Variants in EXPH5 observed in about 807,000 individuals in gnomAD.
EXPH5 encodes exophilin-5.
In EXPH5, 42 loss-of-function variants were observed where a neutral mutation model predicts 41.1. The ratio of observed to expected loss-of-function variants is 1.02; its 90% CI spans 0.80 to 1.32. The LOEUF (loss-of-function observed/expected upper bound fraction) is 1.32, where lower values mean the gene tolerates loss of function less well. Ranked by LOEUF, EXPH5 falls within the 40% of genes most tolerant of loss-of-function variation. The pLI is 0.00. For missense variants in EXPH5, 2,298 were observed against 2,314.5 expected (o/e 0.99, Z 0.15); for synonymous variants, 798 against 833.5 (o/e 0.96, Z 0.73).
At chr11:108,549,279 T>C (rs2852189) in intron 1 of EXPH5, among the ~76,000 whole-genome samples, 92,318 of 152,164 alleles carry the variant, frequency 0.61, 30,160 homozygotes, top group East Asian at 0.8. Flanking sequence ...CAGCCCTCTG[T>C]TCCAAGTCAA....
At chr11:108,553,020 A>G (rs1458977341) in intron 1 of EXPH5, among the ~76,000 whole-genome samples, 1 of 152,104 alleles carries the variant, frequency 6.6e-6, no homozygotes, top group Non-Finnish European at 1.5e-5. Flanking sequence ...ACATGGTGAA[A>G]GCCTGTCTCT....
At chr11:108,563,752 G>A (rs1402935568) in intron 1 of EXPH5, among the ~76,000 whole-genome samples, 1 of 152,222 alleles carries the variant, frequency 6.6e-6, no homozygotes, top group East Asian at 1.9e-4. Flanking sequence ...CACTGAAGGG[G>A]TGGAGAGGCA....
In EXPH5 at chr11:108,513,681, T is replaced by C. The variant is rs892717660; in HGVS notation, c.1826A>G (p.His609Arg). The change falls in exon 6 of 6, where the codon CAT becomes CGT. Residue 609 changes from histidine (H) to arginine (R), a missense_variant. Coordinates refer to ENST00000265843, the MANE Select transcript of EXPH5 (RefSeq NM_015065.3). ...AAATGAGGAAGCTTCTTTGTTTATA[T>C]GTACTTCTACAGGAGAACTGTCCTG... ...SQQDSSPVEV[H>R]INKEASSFGI... is the part of the protein sequence containing the mutation. The C allele has an allele frequency of 1.2e-6, 2 of 1,612,382 alleles. No homozygotes were observed. The highest frequency in any genetic ancestry group is 1.1e-5 in the South Asian group (1 of 90,694).
chr11:108,533,836 C>T (rs2093860477), intron 3 of EXPH5, among the ~76,000 whole-genome samples: 1 of 151,798 alleles, frequency 6.6e-6, no homozygotes, highest in South Asian at 2.1e-4. Context: ...TGCTCTGTTG[C>T]CCAGGCTGGA....
intron 5 of EXPH5, among the ~76,000 whole-genome samples, chr11:108,516,903 A>C (rs1336969206): frequency 6.6e-6 from 1 of 152,230 alleles, no homozygotes; most frequent in Admixed American, 6.5e-5. Context: ...GGGGCAAAAA[A>C]CAAAACAAAA....
At chr11:108,583,620 G>T (rs944945611) in intron 1 of EXPH5, among the ~76,000 whole-genome samples, 5 of 150,750 alleles carry the variant, frequency 3.3e-5, no homozygotes, top group African/African-American at 1.2e-4. Context: ...CCGGGAGGTG[G>T]AGACCAGTCT....
Position 108,512,509 on chromosome 11 carries a change from T to A in EXPH5, c.2998A>T (p.Arg1000Trp). The part of the protein sequence containing the change: ...ESISVPTSDH[R>W]SLIEANQSNS... The stretch of plus-strand genomic sequence containing the variant: ...CTTTGATTTGCTTCAATGAGGCTCC[T>A]GTGATCACTGGTGGGTACTGATATA... Residue 1000 changes from arginine (R) to tryptophan (W), a missense_variant, in exon 6 of 6, where the codon AGG becomes TGG. Arg to Trp is a moderately radical substitution (Grantham distance 101). Transcript: ENST00000265843. The A allele has an allele frequency of 6.2e-7, 1 of 1,614,072 alleles. No homozygotes were observed. Among genetic ancestry groups the A allele is most frequent in the Non-Finnish European group, 8.5e-7 (1 of 1,179,990 alleles).
chr11:108,511,338 T>C lies in EXPH5; in HGVS notation c.4169A>G (p.Gln1390Arg). 1.3e-6 allele frequency: 2 copies of C among 1,580,448 alleles called. No homozygotes were observed. The highest frequency in any genetic ancestry group is 1.7e-6 in the Non-Finnish European group (2 of 1,167,594). ...ENKKERGKKL[Q>R]SETLHTSLML... Reference sequence around the variant, plus strand: ...CAATGAAGTATGCAGGGTTTCACTTTGCAACTTTTTGCCTCTTTCCTTCTT... The same window carrying C: ...CAATGAAGTATGCAGGGTTTCACTTCGCAACTTTTTGCCTCTTTCCTTCTT... Residue 1390 changes from glutamine to arginine, a missense_variant, in exon 6 of 6, where the codon CAA (glutamine) becomes CGA (arginine). Gln to Arg is a conservative substitution (Grantham distance 43). Coordinates refer to ENST00000265843, the MANE Select transcript of EXPH5 (RefSeq NM_015065.3).
chr11:108,571,789 G>A (rs142522574), intron 1 of EXPH5, among the ~76,000 whole-genome samples: 1 of 151,956 alleles, frequency 6.6e-6, no homozygotes, highest in African/African-American at 2.4e-5. Flanking sequence ...AGGCTGGGGC[G>A]GTGGCTCACG....
chr11:108,571,512 C>T (rs915159156), intron 1 of EXPH5, among the ~76,000 whole-genome samples: 7 of 152,056 alleles, frequency 4.6e-5, no homozygotes, highest in Non-Finnish European at 8.8e-5. Context: ...GAGTGAAGAG[C>T]TTTTTTTACT....
At chr11:108,596,938 C>T (rs1242925161), upstream of EXPH5, among the ~76,000 whole-genome samples, 1 of 152,184 alleles carries the variant, frequency 6.6e-6, no homozygotes, top group Non-Finnish European at 1.5e-5. Flanking sequence ...AGGCAAGCAG[C>T]CATTTTCAAT....
intron 1 of EXPH5, among the ~76,000 whole-genome samples, chr11:108,589,771 G>C (rs1021915610): frequency 6.6e-6 from 1 of 152,174 alleles, no homozygotes; most frequent in African/African-American, 2.4e-5. Context: ...GGGTAAAGTA[G>C]TTTTGAAATA....
chr11:108,514,112 G>C lies in EXPH5; in HGVS notation c.1395C>G (p.Thr465=). ...NTFTRSFFSN[T]FGRSGEQRRF... ...TCCTCTGTTCTCCGCTTCGTCCAAA[G>C]GTATTGCTGAAGAAAGATCTGGTAA... Residue 465 remains threonine (T), a synonymous_variant, in exon 6 of 6, where the codon ACC becomes ACG. Transcript: ENST00000265843. The C allele has an allele frequency of 6.2e-7, 1 of 1,613,720 alleles. No individual in the cohort carries two copies. Among genetic ancestry groups the C allele is most frequent in the Non-Finnish European group, 8.5e-7 (1 of 1,179,828 alleles).
chr11:108,538,200 T>A, intron 3 of EXPH5: 1 of 985,442 alleles, frequency 1.0e-6, no homozygotes. Context: ...CTCCAACACC[T>A]TTTATTTAGT....
At chr11:108,593,130 C>T (rs2094131880) in intron 1 of EXPH5, among the ~76,000 whole-genome samples, 1 of 152,240 alleles carries the variant, frequency 6.6e-6, no homozygotes, top group Non-Finnish European at 1.5e-5. Flanking sequence ...CACAGCACAG[C>T]GTCACTGCGC....
At chr11:108,575,671 G>A (rs535009798) in intron 1 of EXPH5, among the ~76,000 whole-genome samples, 4 of 152,294 alleles carry the variant, frequency 2.6e-5, no homozygotes, top group Admixed American at 1.3e-4. Context: ...CCACAACTGT[G>A]TTAAAAGTAA....
intron 3 of EXPH5, among the ~76,000 whole-genome samples, chr11:108,533,237 T>C (rs1284240230): frequency 2.6e-5 from 4 of 151,918 alleles, no homozygotes; most frequent in Non-Finnish European, 5.9e-5. Context: ...GGAGTCTTGC[T>C]CTGTCATTCA....
At chr11:108,558,326 G>T (rs76339385) in intron 1 of EXPH5, among the ~76,000 whole-genome samples, 14,303 of 152,250 alleles carry the variant, frequency 0.094, 716 homozygotes, top group Admixed American at 0.11. Context: ...CCAAGCTCAA[G>T]CTATCCTCTG....
intron 4 of EXPH5, among the ~76,000 whole-genome samples, chr11:108,522,791 C>T (rs190965055): frequency 7.2e-5 from 11 of 152,266 alleles, no homozygotes; most frequent in African/African-American, 2.6e-4. Flanking sequence ...TTGGAGTTGC[C>T]ATAAAAGGTG....
Sources: allele counts gnomAD v4.1 joint callset (sites outside exome capture counted in the v4.1 genomes callset), GRCh38; gene constraint gnomAD v4.1.1; transcripts MANE v1.5; gene names NCBI Gene and HGNC (gene_info 2026-07-23, HGNC 2026-07-21).